MSANTD5: variants seen among roughly 807,000 people sequenced by gnomAD.
MSANTD5 encodes the protein Myb/SANT DNA binding domain containing 5.
At chr5:178,692,986 A>G (rs547715872), downstream of MSANTD5, among the ~76,000 whole-genome samples, 3 of 151,980 alleles carry the variant, frequency 2.0e-5, no homozygotes, top group Non-Finnish European at 4.4e-5. Context: ...ATGTAGAACT[A>G]TAATTATCTC....
chr5:178,703,328 G>T, the MSANTD5 span, among the ~76,000 whole-genome samples: 3 of 152,194 alleles, frequency 2.0e-5, no homozygotes, highest in Non-Finnish European at 4.4e-5. Context: ...GCTTGCATGA[G>T]TCACTCCCTT....
At chr5:178,692,768 G>C (rs1437598665), downstream of MSANTD5, among the ~76,000 whole-genome samples, 1 of 152,006 alleles carries the variant, frequency 6.6e-6, no homozygotes, top group African/African-American at 2.4e-5. Context: ...CGGTTGCCAG[G>C]AGTTAAGGAG....
At chr5:178,700,675 C>T (rs17184302), upstream of MSANTD5, among the ~76,000 whole-genome samples, 33,546 of 90,784 alleles carry the variant, frequency 0.37, 4,260 homozygotes, top group South Asian at 0.51. Context: ...AGGTTGATCC[C>T]GAGCACGAGG....
chr5:178,706,533 A>G, the MSANTD5 span, among the ~76,000 whole-genome samples: 4 of 151,848 alleles, frequency 2.6e-5, no homozygotes, highest in South Asian at 6.3e-4. Flanking sequence ...CAGTGGTATA[A>G]CTTTGCCTCC....
the MSANTD5 span, among the ~76,000 whole-genome samples, chr5:178,703,623 A>G: frequency 1.3e-5 from 2 of 152,200 alleles, no homozygotes; most frequent in East Asian, 3.9e-4. Flanking sequence ...TACAGTTTAC[A>G]ATAATCTATT....
chr5:178,700,194 C>T (rs1198859802), upstream of MSANTD5, among the ~76,000 whole-genome samples: 3 of 152,118 alleles, frequency 2.0e-5, no homozygotes, highest in Non-Finnish European at 4.4e-5. Context: ...GGTGCTGCCT[C>T]GCCATGCTCT....
upstream of MSANTD5, among the ~76,000 whole-genome samples, chr5:178,700,562 G>A (rs17184281): frequency 0.26 from 32,873 of 127,426 alleles, 4,177 homozygotes; most frequent in South Asian, 0.41. Context: ...CCTGGGAGGT[G>A]GGAGATTAGA....
upstream of MSANTD5, among the ~76,000 whole-genome samples, chr5:178,701,753 T>C (rs1765486840): frequency 6.8e-6 from 1 of 147,784 alleles, no homozygotes; most frequent in African/African-American, 2.5e-5. Flanking sequence ...TTTAAAAATA[T>C]ATATTTTTTG....
the MSANTD5 span, among the ~76,000 whole-genome samples, chr5:178,703,011 C>G: frequency 0.22 from 33,359 of 152,008 alleles, 4,160 homozygotes; most frequent in South Asian, 0.35. Flanking sequence ...ACTGTGCAGA[C>G]AGAGCCCAGC....
chr5:178,695,251 C>T (rs1277320153), intron 3 of MSANTD5, 36 bp downstream of exon 3: 1 of 152,436 alleles, frequency 6.6e-6, no homozygotes, highest in Non-Finnish European at 1.5e-5. Context: ...CAATGGCACT[C>T]ACTAGACCAT....
the MSANTD5 span, among the ~76,000 whole-genome samples, chr5:178,706,212 A>G: frequency 6.6e-6 from 1 of 152,108 alleles, no homozygotes; most frequent in Non-Finnish European, 1.5e-5. Flanking sequence ...TCTGGGATAA[A>G]TCCCAGAAGT....
At chr5:178,706,066 C>A in the MSANTD5 span, among the ~76,000 whole-genome samples, 2 of 152,172 alleles carry the variant, frequency 1.3e-5, no homozygotes, top group Non-Finnish European at 2.9e-5. Context: ...GTGCTGAAAT[C>A]CCAACCTTGG....
At chr5:178,701,399 C>A (rs1015274128), upstream of MSANTD5, among the ~76,000 whole-genome samples, 2 of 151,974 alleles carry the variant, frequency 1.3e-5, no homozygotes. Context: ...AGTAGGGCAA[C>A]AAGGTCGAAT....
the MSANTD5 span, among the ~76,000 whole-genome samples, chr5:178,702,772 A>AT: frequency 7.4e-6 from 1 of 134,350 alleles, no homozygotes; most frequent in South Asian, 2.4e-4. Context: ...TAATTTTTGT[A>AT]TTTTTTAGTA....
At chr5:178,696,560 C>T (rs372129896) in intron 1 of MSANTD5, among the ~76,000 whole-genome samples, 2 of 152,044 alleles carry the variant, frequency 1.3e-5, no homozygotes, top group Non-Finnish European at 2.9e-5. Flanking sequence ...GCCAGATGAA[C>T]GATATGAACC....
At chr5:178,693,197 C>A (rs187966146), downstream of MSANTD5, among the ~76,000 whole-genome samples, 1,076 of 152,032 alleles carry the variant, frequency 7.1e-3, 14 homozygotes, top group South Asian at 0.01. Flanking sequence ...CCTGTAATCC[C>A]AGCTACTTGA....
the MSANTD5 span, among the ~76,000 whole-genome samples, chr5:178,703,465 T>C: frequency 6.6e-5 from 10 of 152,206 alleles, no homozygotes; most frequent in Admixed American, 6.5e-4. Context: ...AATGGTCCAG[T>C]ATATGCCTAT....
At chr5:178,695,649 G>A (rs1477423859) in intron 2 of MSANTD5, 51 bp from the exon 3 acceptor site, 1 of 152,120 alleles carries the variant, frequency 6.6e-6, no homozygotes, top group African/African-American at 2.4e-5. Context: ...ACCTGCACAT[G>A]TGCAGGATCC....
At chr5:178,700,176 T>C (rs571647341), upstream of MSANTD5, among the ~76,000 whole-genome samples, 1 of 152,242 alleles carries the variant, frequency 6.6e-6, no homozygotes, top group African/African-American at 2.4e-5. Flanking sequence ...TCCCTGGCAC[T>C]CCTCACAGGT....
Sources: gnomAD v4.1 joint callset for allele counts (sites outside exome capture counted in the v4.1 genomes callset) on GRCh38, gnomAD v4.1.1 for gene constraint, MANE v1.5 for transcripts, NCBI Gene and HGNC (gene_info 2026-07-23, HGNC 2026-07-21) for gene names.